Variants in SOS1 observed in about 807,000 individuals in gnomAD.
SOS1 encodes son of sevenless homolog 1.
A neutral mutation model predicts 157.6 loss-of-function variants in SOS1; 25 were observed. That is an observed-to-expected ratio of 0.16 (90% CI 0.12 to 0.22). The LOEUF (loss-of-function observed/expected upper bound fraction) is 0.22. Among genes scored for constraint, SOS1 ranks in the 10% least tolerant of loss-of-function variants. The pLI is 1.00. For missense variants in SOS1, 1,237 were observed against 1,599.1 expected, an observed-to-expected ratio of 0.77 and a Z score of 3.86; for synonymous variants, 528 against 534.0, an observed-to-expected ratio of 0.99 and a Z score of 0.16.
intron 8 of SOS1, 146 bp downstream of exon 8, chr2:39,035,066 C>G (rs1172974618): frequency 1.5e-6 from 1 of 666,384 alleles, no homozygotes; most frequent in African/African-American, 1.8e-5. Flanking sequence ...CTTTTGCAGA[C>G]TGATTTCCAT....
At chr2:39,045,766 G>C (rs1331411065) in intron 6 of SOS1, among the ~76,000 whole-genome samples, 2 of 152,176 alleles carry the variant, frequency 1.3e-5, no homozygotes, top group Admixed American at 6.6e-5. Context: ...CTGGAGTGCA[G>C]TGGCATGATC....
intron 1 of SOS1, among the ~76,000 whole-genome samples, chr2:39,120,045 C>T (rs1673806145): frequency 6.6e-6 from 1 of 152,210 alleles, no homozygotes; most frequent in Non-Finnish European, 1.5e-5. Context: ...AAAACTGAGG[C>T]TCCTCCAACT....
At chr2:39,102,983 T>G (rs1052468117) in intron 1 of SOS1, among the ~76,000 whole-genome samples, 1 of 151,898 alleles carries the variant, frequency 6.6e-6, no homozygotes, top group South Asian at 2.1e-4. Flanking sequence ...AAAAAAAAAT[T>G]TAAGTAGTTG....
intron 6 of SOS1, among the ~76,000 whole-genome samples, chr2:39,044,588 T>C (rs11674846): frequency 0.8 from 122,234 of 152,106 alleles, 50,633 homozygotes; most frequent in Non-Finnish European, 0.91. Context: ...CAGCTGACCT[T>C]TGAACAACCC....
intron 10 of SOS1, among the ~76,000 whole-genome samples, chr2:39,015,739 G>A (rs748531206): frequency 1.3e-5 from 2 of 151,668 alleles, no homozygotes; most frequent in Non-Finnish European, 2.9e-5. Context: ...TCCCATAATA[G>A]GGGGGAGAAA....
intron 1 of SOS1, among the ~76,000 whole-genome samples, chr2:39,109,985 A>T (rs1329264913): frequency 3.3e-5 from 5 of 151,850 alleles, no homozygotes; most frequent in Admixed American, 6.6e-5. Context: ...TAAATGGAGA[A>T]TGGAGAGCCT....
At chr2:39,066,603 CT>C (rs1255217512) in intron 2 of SOS1, among the ~76,000 whole-genome samples, 1 of 152,118 alleles carries the variant, frequency 6.6e-6, no homozygotes, top group Non-Finnish European at 1.5e-5. Flanking sequence ...CCCATATACT[CT>C]TTACTCATAG....
chr2:39,026,366 AAAAAAAAAC>A (rs59970633), intron 8 of SOS1, among the ~76,000 whole-genome samples: 111,614 of 140,518 alleles, frequency 0.79, 45,751 homozygotes, highest in Non-Finnish European at 0.91. Flanking sequence ...AAAAAAAAAA[AAAAAAAAAC>A]AGAAAAATTT....
intron 5 of SOS1, among the ~76,000 whole-genome samples, chr2:39,051,595 C>G (rs975506735): frequency 6.6e-6 from 1 of 151,922 alleles, no homozygotes; most frequent in African/African-American, 2.4e-5. Context: ...CAATGTTTAC[C>G]ATATTAGAAG....
chr2:39,071,634 T>C (rs1041220808), intron 1 of SOS1, among the ~76,000 whole-genome samples: 37 of 152,298 alleles, frequency 2.4e-4, no homozygotes, highest in African/African-American at 8.4e-4. Flanking sequence ...TCACAGGCCT[T>C]TGAAGAAGGG....
chr2:39,050,284 A>G (rs1243984003), intron 6 of SOS1, among the ~76,000 whole-genome samples: 1 of 152,198 alleles, frequency 6.6e-6, no homozygotes, highest in Non-Finnish European at 1.5e-5. Context: ...ATGTTATTTT[A>G]GCATTTGAAA....
At chr2:39,032,034 A>G (rs1670176439) in intron 8 of SOS1, among the ~76,000 whole-genome samples, 1 of 152,192 alleles carries the variant, frequency 6.6e-6, no homozygotes, top group Non-Finnish European at 1.5e-5. Flanking sequence ...AGTAAAAATC[A>G]TATGTTTATG....
upstream of SOS1, among the ~76,000 whole-genome samples, chr2:39,122,751 G>A (rs554920632): frequency 2.1e-3 from 313 of 152,042 alleles, 4 homozygotes; most frequent in South Asian, 0.027. Context: ...TCACTGTATT[G>A]GCCAGGCTGG....
intron 1 of SOS1, among the ~76,000 whole-genome samples, chr2:39,111,805 C>G (rs1187306400): frequency 6.6e-6 from 1 of 151,482 alleles, no homozygotes; most frequent in Non-Finnish European, 1.5e-5. Context: ...CCTTAGCTCA[C>G]TGCAACCTCC....
intron 1 of SOS1, chr2:39,082,515 C>T (rs191350982): frequency 6.6e-6 from 1 of 152,160 alleles, no homozygotes; most frequent in Admixed American, 6.5e-5. Context: ...AGGTATCTTA[C>T]GGTAAATTTT....
chr2:39,036,387 G>A (rs1162093866), intron 6 of SOS1, among the ~76,000 whole-genome samples: 1 of 152,016 alleles, frequency 6.6e-6, no homozygotes, highest in African/African-American at 2.4e-5. Context: ...GTCTTACTCT[G>A]TCACCCAGGC....
chr2:39,104,803 A>T (rs1181354903), intron 1 of SOS1, among the ~76,000 whole-genome samples: 2 of 152,246 alleles, frequency 1.3e-5, no homozygotes, highest in Admixed American at 6.5e-5. Context: ...AAATGAAAGT[A>T]GTCAGACACA....
At chr2:39,024,527 C>T (rs569576899) in intron 8 of SOS1, among the ~76,000 whole-genome samples, 54 of 151,118 alleles carry the variant, frequency 3.6e-4, no homozygotes, top group East Asian at 2.1e-3. Flanking sequence ...GGTTTCTGAC[C>T]CCTATATTAT....
chr2:39,109,806 G>A (rs1435813939), intron 1 of SOS1, among the ~76,000 whole-genome samples: 2 of 152,156 alleles, frequency 1.3e-5, no homozygotes, highest in Non-Finnish European at 2.9e-5. Flanking sequence ...CTGGCACATA[G>A]CAGGAACTCA....
Sources: gnomAD v4.1 joint callset for allele counts (sites outside exome capture counted in the v4.1 genomes callset) on GRCh38, gnomAD v4.1.1 for gene constraint, MANE v1.5 for transcripts, NCBI Gene and HGNC (gene_info 2026-07-23, HGNC 2026-07-21) for gene names.